Variants in NAV2 observed in about 807,000 individuals in gnomAD.
NAV2 encodes the protein helicase, APC down-regulated 1.
NAV2 carries 54 observed loss-of-function variants against 223.2 expected under a neutral mutation model. That is an observed-to-expected ratio of 0.24 (90% CI 0.19 to 0.30). The LOEUF is 0.30. NAV2 is among the 10% of genes least tolerant of loss of function. The pLI, the probability that NAV2 is intolerant of heterozygous loss-of-function variation, is 1.00. For synonymous variants in NAV2, 1,279 were observed against 1,239.3 expected, an observed-to-expected ratio of 1.03 and a Z score of -0.67; for missense variants, 2,806 against 3,147.5, an observed-to-expected ratio of 0.89 and a Z score of 2.60.
At chr11:19,729,123 G>T (rs1197248359) in intron 1 of NAV2, among the ~76,000 whole-genome samples, 1 of 152,130 alleles carries the variant, frequency 6.6e-6, no homozygotes, top group African/African-American at 2.4e-5. Context: ...AAGTGAGTGT[G>T]CATAAGATGG....
chr11:19,444,706 T>C (rs1851521567), intron 1 of NAV2, among the ~76,000 whole-genome samples: 1 of 102,708 alleles, frequency 9.7e-6, no homozygotes, highest in African/African-American at 4.0e-5. Context: ...TTATTGCTGT[T>C]GTTCCTTTAT....
intron 7 of NAV2, among the ~76,000 whole-genome samples, chr11:19,937,779 G>A (rs2046041577): frequency 1.3e-5 from 2 of 152,190 alleles, no homozygotes; most frequent in Admixed American, 1.3e-4. Context: ...TGCCTGTGTA[G>A]CATATGAACT....
In NAV2 at chr11:19,609,676, C is replaced by T. The variant is rs1296209391; in HGVS notation, c.76-222808C>T. On this transcript the variant is annotated intron_variant, in intron 1 of 37. Coordinates refer to the NAV2 transcript ENST00000360655. ...TAAGCAGAGACTAACCACTGCATGC[C>T]TCACCCAGCCTTAACTGCGGAGGGA... Among the ~76,000 whole-genome samples the T allele has an allele frequency of 2.6e-5, 4 of 152,170 alleles. No homozygotes were observed. In the East Asian group the frequency reaches 5.8e-4, roughly 22 times the overall value.
At chr11:19,986,710 C>T (rs2439873) in intron 11 of NAV2, among the ~76,000 whole-genome samples, 151,005 of 152,370 alleles carry the variant, frequency 0.99, 74,841 homozygotes, top group East Asian at 1. Flanking sequence ...ATAGGATTTG[C>T]AAAAGACTAC....
chr11:19,860,281 G>T (rs1270459432), intron 3 of NAV2, among the ~76,000 whole-genome samples: 2 of 136,908 alleles, frequency 1.5e-5, no homozygotes, highest in Non-Finnish European at 3.1e-5. Flanking sequence ...AGACGGGGCG[G>T]CTGCCGGGCG....
At chr11:19,490,427 T>C (rs1228433489) in intron 1 of NAV2, among the ~76,000 whole-genome samples, 1 of 152,234 alleles carries the variant, frequency 6.6e-6, no homozygotes, top group Non-Finnish European at 1.5e-5. Context: ...GCTTATATAA[T>C]ATTCTAAATC....
intron 26 of NAV2, among the ~76,000 whole-genome samples, chr11:20,086,321 C>G (rs1034050535): frequency 7.9e-5 from 12 of 152,204 alleles, no homozygotes; most frequent in Non-Finnish European, 1.8e-4. Flanking sequence ...TCCAATCACA[C>G]TCTCCACCTC....
intron 10 of NAV2, among the ~76,000 whole-genome samples, chr11:19,959,753 C>T (rs1393818609): frequency 6.6e-6 from 1 of 152,160 alleles, no homozygotes; most frequent in East Asian, 1.9e-4. Flanking sequence ...AGACATAAGA[C>T]CATAACTGAT....
At chr11:19,817,743 G>A (rs2059166767) in intron 1 of NAV2, among the ~76,000 whole-genome samples, 1 of 152,274 alleles carries the variant, frequency 6.6e-6, no homozygotes, top group East Asian at 1.9e-4. Context: ...TACCCACTTG[G>A]CCCTGTAAAT....
chr11:19,666,370 C>A (rs1005417981), intron 1 of NAV2, among the ~76,000 whole-genome samples: 5 of 152,228 alleles, frequency 3.3e-5, no homozygotes, highest in African/African-American at 1.2e-4. Context: ...AGAAACCAAT[C>A]GTTCCTCCTG....
chr11:19,523,489 A>G (rs2043739247), intron 1 of NAV2, among the ~76,000 whole-genome samples: 1 of 152,174 alleles, frequency 6.6e-6, no homozygotes, highest in African/African-American at 2.4e-5. Flanking sequence ...TACACAAAAC[A>G]TCTGGGTGGT....
intron 1 of NAV2, among the ~76,000 whole-genome samples, chr11:19,752,764 G>C (rs916512262): frequency 1.3e-5 from 2 of 152,092 alleles, no homozygotes; most frequent in Admixed American, 6.5e-5. Flanking sequence ...ATACTATGAG[G>C]GGATTTCTCA....
chr11:19,387,234 AGCT>A (rs1849078163), intron 1 of NAV2, among the ~76,000 whole-genome samples: 1 of 152,178 alleles, frequency 6.6e-6, no homozygotes, highest in African/African-American at 2.4e-5. Flanking sequence ...GATCCCAATC[AGCT>A]AGGTGCTCAG....
At chr11:19,629,625 C>T (rs937869289) in intron 1 of NAV2, among the ~76,000 whole-genome samples, 1 of 151,828 alleles carries the variant, frequency 6.6e-6, no homozygotes, top group African/African-American at 2.4e-5. Flanking sequence ...TCCCACTCCC[C>T]CTCCCATCTT....
At chr11:19,728,253 T>G (rs1269509417) in intron 1 of NAV2, among the ~76,000 whole-genome samples, 1 of 152,172 alleles carries the variant, frequency 6.6e-6, no homozygotes, top group Admixed American at 6.5e-5. Flanking sequence ...AACATTAAGT[T>G]CTCTTTCTAG....
At chr11:19,561,854 G>A (rs2045110237) in intron 1 of NAV2, among the ~76,000 whole-genome samples, 1 of 152,154 alleles carries the variant, frequency 6.6e-6, no homozygotes, top group African/African-American at 2.4e-5. Context: ...TTGCCACTGG[G>A]CCTTGGCTAA....
intron 1 of NAV2, among the ~76,000 whole-genome samples, chr11:19,507,559 T>A (rs2043159546): frequency 6.6e-6 from 1 of 152,200 alleles, no homozygotes; most frequent in African/African-American, 2.4e-5. Flanking sequence ...TCACTTAATT[T>A]CTCTGAGCCT....
At chr11:20,078,544 TACTTCCCG>T in intron 24 of NAV2, among the ~76,000 whole-genome samples, 1 of 152,280 alleles carries the variant, frequency 6.6e-6, no homozygotes, top group South Asian at 2.1e-4. Context: ...CTGCAACCTC[TACTTCCCG>T]GGTTCAAGTG....
At chr11:19,751,439 G>A (rs752613216) in intron 1 of NAV2, among the ~76,000 whole-genome samples, 17 of 152,214 alleles carry the variant, frequency 1.1e-4, no homozygotes, top group Non-Finnish European at 2.1e-4. Flanking sequence ...ACCGTACCCC[G>A]CCAGCTAGAG....
Sources: gnomAD v4.1 joint callset for allele counts (sites outside exome capture counted in the v4.1 genomes callset) on GRCh38, gnomAD v4.1.1 for gene constraint, MANE v1.5 for transcripts, NCBI Gene and HGNC (gene_info 2026-07-23, HGNC 2026-07-21) for gene names.